The following TFB1M variants were observed in gnomAD, a reference collection of about 807,000 sequenced individuals.
TFB1M encodes the protein dimethyladenosine transferase 1, mitochondrial.
A neutral mutation model predicts 31.1 loss-of-function variants in TFB1M; 27 were observed. The ratio of observed to expected loss-of-function variants is 0.87; its 90% CI spans 0.64 to 1.20. TFB1M has a LOEUF of 1.20. Among genes scored for constraint, TFB1M ranks in the 50% most tolerant of loss-of-function variants. The pLI, the probability that TFB1M is intolerant of heterozygous loss-of-function variation, is 0.00. For missense variants in TFB1M, 394 were observed against 418.7 expected, an observed-to-expected ratio of 0.94 and a Z score of 0.51; for synonymous variants, 166 against 151.8, an observed-to-expected ratio of 1.09 and a Z score of -0.69.
chr6:155,237,242 T>A, the TFB1M span, among the ~76,000 whole-genome samples: 2 of 152,192 alleles, frequency 1.3e-5, no homozygotes, highest in African/African-American at 4.8e-5. Context: ...TCCAAAATGA[T>A]CTCCTTTGAC....
intron 2 of TFB1M, among the ~76,000 whole-genome samples, chr6:155,301,956 A>G (rs1428034510): frequency 3.9e-5 from 6 of 152,176 alleles, no homozygotes; most frequent in Non-Finnish European, 5.9e-5. Flanking sequence ...TGCCTTTAAT[A>G]CAAGTTAAAA....
downstream of TFB1M, chr6:155,252,834 T>A: frequency 1.1e-6 from 1 of 893,846 alleles, no homozygotes; most frequent in Non-Finnish European, 1.8e-6. Flanking sequence ...AACACCCACA[T>A]GGCTGCTCGG....
chr6:155,251,121 G>A, the TFB1M span: 1 of 1,016,744 alleles, frequency 9.8e-7, no homozygotes, highest in Non-Finnish European at 1.5e-6. Flanking sequence ...AGCTCCAGGA[G>A]TCAGAATTGC....
intron 1 of TFB1M, among the ~76,000 whole-genome samples, chr6:155,313,750 G>A (rs1778119412): frequency 1.3e-5 from 2 of 152,076 alleles, no homozygotes; most frequent in Admixed American, 6.6e-5. Flanking sequence ...TCCTACCCCC[G>A]GCACTAGCAC....
At chr6:155,281,476 CT>C (rs1171746670) in intron 5 of TFB1M, among the ~76,000 whole-genome samples, 1 of 152,158 alleles carries the variant, frequency 6.6e-6, no homozygotes, top group African/African-American at 2.4e-5. Flanking sequence ...AATCCCAGCA[CT>C]TTGGGAGGCC....
chr6:155,259,760 G>A (rs1420101914), intron 6 of TFB1M, among the ~76,000 whole-genome samples: 1 of 152,160 alleles, frequency 6.6e-6, no homozygotes, highest in African/African-American at 2.4e-5. Flanking sequence ...CGAGGTGGGC[G>A]ACCTCTAGAC....
downstream of TFB1M, chr6:155,253,764 T>A (rs1783824370): frequency 4.0e-6 from 2 of 498,198 alleles, no homozygotes; most frequent in East Asian, 6.7e-5. Flanking sequence ...TGGAGGAAAA[T>A]CTGCAGCAGG....
At chr6:155,286,534 T>C (rs976889401) in intron 4 of TFB1M, among the ~76,000 whole-genome samples, 3 of 143,310 alleles carry the variant, frequency 2.1e-5, no homozygotes, top group South Asian at 2.1e-4. Context: ...TGTATATATA[T>C]ACATGTGTAT....
intron 5 of TFB1M, among the ~76,000 whole-genome samples, chr6:155,267,948 T>C (rs1466090156): frequency 6.6e-6 from 1 of 152,250 alleles, no homozygotes; most frequent in Non-Finnish European, 1.5e-5. Context: ...CTGTAATTTG[T>C]CCACTGAAAC....
chr6:155,311,204 A>C lies in TFB1M; in HGVS notation c.269T>G (p.Phe90Cys). The change falls in exon 2 of 7, where the codon TTT becomes TGT. Residue 90 changes from phenylalanine (F) to cysteine (C), a missense_variant. Coordinates refer to ENST00000367166, the MANE Select transcript of TFB1M (RefSeq NM_016020.4). Reference protein sequence around the residue: ...ELLVVEKDTRFIPGLQMLSDA... With the variant: ...ELLVVEKDTRCIPGLQMLSDA... ...GCATCTCACCTGTAATCCAGGAATA[A>C]ATCGAGTGTCCTTTTCAACCACCAG... 1 of 1,614,128 alleles carries C rather than the reference A, an allele frequency of 6.2e-7. No homozygotes were observed. The highest frequency in any genetic ancestry group is 1.1e-5 in the South Asian group (1 of 91,086).
intron 2 of TFB1M, among the ~76,000 whole-genome samples, chr6:155,307,549 T>C (rs1477633513): frequency 6.6e-6 from 1 of 152,006 alleles, no homozygotes; most frequent in African/African-American, 2.4e-5. Context: ...TCCCACTGAG[T>C]CCCTCCCACA....
rs13214519 is a variant in TFB1M at position 155,286,369 on chromosome 6, G to C, written c.547-1092C>G. ...CTATATAAGAAAAGACAGACAGACA[G>C]ACACACACACATATATGTATATATG... On this transcript the variant is annotated intron_variant, in intron 4 of 6. Transcript: ENST00000367166. Among the ~76,000 whole-genome samples, 9 of 146,880 alleles carry C rather than the reference G, an allele frequency of 6.1e-5. No homozygotes were observed. The East Asian group carries it at 1.4e-3, about 23-fold the overall frequency.
intron 5 of TFB1M, among the ~76,000 whole-genome samples, chr6:155,271,105 C>T (rs1485669646): frequency 6.6e-6 from 1 of 152,040 alleles, no homozygotes; most frequent in African/African-American, 2.4e-5. Flanking sequence ...TCCAGATAAC[C>T]GAAACATGTG....
At chr6:155,236,357 G>GTT in the TFB1M span, among the ~76,000 whole-genome samples, 1 of 151,824 alleles carries the variant, frequency 6.6e-6, no homozygotes, top group Non-Finnish European at 1.5e-5. Flanking sequence ...ACCTGGGGGA[G>GTT]TTTTTTTAAG....
chr6:155,243,256 C>T, the TFB1M span, among the ~76,000 whole-genome samples: 10 of 152,228 alleles, frequency 6.6e-5, no homozygotes, highest in African/African-American at 2.4e-4. Flanking sequence ...AGTTGAAGGG[C>T]TCCCCAGAAC....
At chr6:155,295,291 G>A (rs1294782100) in intron 4 of TFB1M, among the ~76,000 whole-genome samples, 1 of 152,008 alleles carries the variant, frequency 6.6e-6, no homozygotes, top group African/African-American at 2.4e-5. Flanking sequence ...GCGTGAACCC[G>A]GGAGACGGAG....
chr6:155,245,817 AGAGT>A, the TFB1M span: 3 of 918,592 alleles, frequency 3.3e-6, no homozygotes, highest in Non-Finnish European at 4.9e-6. Flanking sequence ...TAACAAGTAG[AGAGT>A]AAGTACAATT....
At position 155,256,925 on chromosome 6, in the gene TFB1M, G is replaced by C. The variant is rs1271575224; in HGVS notation, c.*911C>G. 1 of 1,614,164 alleles carries C rather than the reference G, an allele frequency of 6.2e-7. No homozygotes were observed. Among genetic ancestry groups the C allele is most frequent in the Non-Finnish European group, 8.5e-7 (1 of 1,180,030 alleles). On this transcript the variant is annotated 3_prime_UTR_variant, in exon 7 of 7. Transcript: ENST00000367166. ...CGGGGGCACTTCTGCCCCATTAAAC[G>C]AAAAGCCAACAGCACCAAGAGGGAC... is the stretch of plus-strand genomic sequence containing the variant.
At chr6:155,290,965 C>T (rs1381283982) in intron 4 of TFB1M, among the ~76,000 whole-genome samples, 1 of 152,114 alleles carries the variant, frequency 6.6e-6, no homozygotes, top group Non-Finnish European at 1.5e-5. Flanking sequence ...CTAGGTAGCT[C>T]AAGATGGGGC....
Sources: allele counts gnomAD v4.1 joint callset (sites outside exome capture counted in the v4.1 genomes callset), GRCh38; gene constraint gnomAD v4.1.1; transcripts MANE v1.5; gene names NCBI Gene and HGNC (gene_info 2026-07-23, HGNC 2026-07-21).